Variants in FREM1 observed in about 807,000 individuals in gnomAD.
The protein encoded by FREM1 is FRAS1 related extracellular matrix 1, also known as FRAS1-related extracellular matrix protein 1.
A neutral mutation model predicts 210.1 loss-of-function variants in FREM1; 220 were observed. The ratio of observed to expected loss-of-function variants is 1.05; its 90% CI spans 0.94 to 1.17. FREM1 has a LOEUF of 1.17. FREM1 is among the 50% of genes most tolerant of loss of function. The pLI is 0.00. For synonymous variants in FREM1, 1,189 were observed against 980.2 expected (o/e 1.21, Z -3.98); for missense variants, 3,454 against 2,675.5 (o/e 1.29, Z -6.42).
At chr9:14,846,531 A>C (rs916655276) in intron 7 of FREM1, among the ~76,000 whole-genome samples, 7 of 152,204 alleles carry the variant, frequency 4.6e-5, no homozygotes, top group Admixed American at 4.6e-4. Context: ...TTTTTTAAAA[A>C]AAGATAAGAA....
At chr9:14,880,568 C>G (rs1378603068) in intron 1 of FREM1, among the ~76,000 whole-genome samples, 1 of 144,220 alleles carries the variant, frequency 6.9e-6, no homozygotes, top group Non-Finnish European at 1.5e-5. Context: ...CGTGCCACTG[C>G]ACTCCAGCCT....
intron 35 of FREM1, among the ~76,000 whole-genome samples, chr9:14,742,613 T>C (rs1470276283): frequency 3.3e-5 from 5 of 152,170 alleles, no homozygotes; most frequent in African/African-American, 4.8e-5. Context: ...AATGACCCTC[T>C]GTAAAGGACT....
intron 35 of FREM1, among the ~76,000 whole-genome samples, chr9:14,743,652 C>T (rs1298077902): frequency 6.6e-6 from 1 of 152,034 alleles, no homozygotes; most frequent in Non-Finnish European, 1.5e-5. Flanking sequence ...GGAAGATGAA[C>T]AAAAGATAGC....
chr9:14,830,627 C>T (rs1308026119), intron 10 of FREM1, among the ~76,000 whole-genome samples: 3 of 152,190 alleles, frequency 2.0e-5, no homozygotes, highest in Admixed American at 6.5e-5. Context: ...CCTCCTCTTT[C>T]GGCTTTGGAG....
At chr9:14,837,017 C>A (rs992305641) in intron 10 of FREM1, among the ~76,000 whole-genome samples, 8 of 152,206 alleles carry the variant, frequency 5.3e-5, no homozygotes, top group Non-Finnish European at 8.8e-5. Flanking sequence ...GGTGGGCAAC[C>A]TTTGATATGC....
At chr9:14,748,297 A>G (rs1842805072) in intron 31 of FREM1, 104 bp downstream of exon 31, 3 of 697,826 alleles carry the variant, frequency 4.3e-6, no homozygotes, top group Non-Finnish European at 7.3e-6. Context: ...ACTCACTATG[A>G]GAATCAAAAC....
At chr9:14,893,772 A>C (rs889760718) in intron 1 of FREM1, among the ~76,000 whole-genome samples, 3 of 152,132 alleles carry the variant, frequency 2.0e-5, no homozygotes, top group Non-Finnish European at 4.4e-5. Flanking sequence ...TTTTGCCTAG[A>C]TTAAAAGGTT....
intron 14 of FREM1, among the ~76,000 whole-genome samples, chr9:14,817,811 C>T (rs531040603): frequency 2.6e-5 from 4 of 152,218 alleles, no homozygotes; most frequent in Admixed American, 6.5e-5. Flanking sequence ...CCACATCCTC[C>T]CCACCCTCCA....
At chr9:14,900,146 A>G (rs2132577988) in intron 1 of FREM1, among the ~76,000 whole-genome samples, 1 of 152,278 alleles carries the variant, frequency 6.6e-6, no homozygotes, top group Non-Finnish European at 1.5e-5. Flanking sequence ...ATTAATGAGA[A>G]CGGGAAACAC....
chr9:14,770,715 T>G lies in FREM1; in HGVS notation c.4949A>C (p.Tyr1650Ser), dbSNP rs376112474. ...GLLKNGCYGIYITSRVLKASD... is the reference protein window; with the variant it reads ...GLLKNGCYGISITSRVLKASD... The stretch of plus-strand genomic sequence containing the variant: ...TGCCTTCAACACGCGGGAAGTGATG[T>G]AAATCCCGTAGCAGCCATTTTTCAG... The change falls in exon 26 of 37, where the codon TAC becomes TCC. Residue 1650 changes from tyrosine (Y) to serine (S), a missense_variant. Coordinates refer to ENST00000380880, the MANE Select transcript of FREM1 (RefSeq NM_001379081.2). 5 of 1,613,240 alleles carry G rather than the reference T, an allele frequency of 3.1e-6. No individual in the cohort carries two copies. The highest frequency in any genetic ancestry group is 4.2e-6 in the Non-Finnish European group (5 of 1,179,360).
At chr9:14,738,361 C>T (rs1587598421) in intron 36 of FREM1, among the ~76,000 whole-genome samples, 1 of 84,934 alleles carries the variant, frequency 1.2e-5, no homozygotes, top group African/African-American at 3.9e-5. Context: ...AGATACATAA[C>T]ATTTTACCTT....
Position 14,786,880 on chromosome 9 carries a change from T to C in FREM1, c.4177+2039A>G, listed in dbSNP as rs531688543. 4.6e-5 allele frequency among the ~76,000 whole-genome samples: 7 copies of C among 151,906 alleles called. No individual in the cohort carries two copies. The South Asian group carries it at 1.5e-3, about 32-fold the overall frequency. On this transcript the variant is annotated intron_variant, in intron 23 of 36. Transcript: ENST00000380880. ...AAGGAAGTAAGAAGAATGAATTAGGTGGGGGAAACACAAAGCACCCACGAG... is the reference window on the plus strand; with the variant it reads ...AAGGAAGTAAGAAGAATGAATTAGGCGGGGGAAACACAAAGCACCCACGAG...
chr9:14,883,342 G>T (rs1478387204), intron 1 of FREM1, among the ~76,000 whole-genome samples: 5 of 152,188 alleles, frequency 3.3e-5, no homozygotes, highest in African/African-American at 1.2e-4. Context: ...AGCCTAGACT[G>T]AAGGCTGCAG....
At position 14,842,535 on chromosome 9, in the gene FREM1, G is replaced by A. The variant is rs369488195; in HGVS notation, c.1519C>T (p.Arg507Cys). 9.3e-5 allele frequency: 150 copies of A among 1,613,822 alleles called. No individual in the cohort carries two copies. Among genetic ancestry groups the A allele is most frequent in the Admixed American group, 4.0e-4 (24 of 60,006 alleles). The change falls in exon 9 of 37, where the codon CGT (arginine) becomes TGT (cysteine). Residue 507 changes from arginine (R) to cysteine (C), a missense_variant. By Grantham distance (180) the Arg-to-Cys change is radical. Transcript: ENST00000380880. The part of the protein sequence containing the change: ...FRIFDGHHSI[R>C]HKFPINVLPK... ...AAGACGTTGATGGGGAATTTGTGAC[G>A]GATGCTGTGATGGCCATCAAATATC...
intron 13 of FREM1, among the ~76,000 whole-genome samples, chr9:14,822,363 G>A (rs970657749): frequency 6.6e-6 from 1 of 152,170 alleles, no homozygotes; most frequent in African/African-American, 2.4e-5. Flanking sequence ...GAGATGATGA[G>A]GAGTCAGGAA....
chr9:14,769,761 T>C lies in FREM1; in HGVS notation c.5167A>G (p.Ile1723Val), dbSNP rs1222945304. 2 of 1,612,388 alleles carry C rather than the reference T, an allele frequency of 1.2e-6. No individual in the cohort carries two copies. The highest frequency in any genetic ancestry group is 2.7e-5 in the African/African-American group (2 of 74,868). ...EVNSDTVEFQ[I>V]MDPTGNSATP... ...GCCGAGTTCCCTGTGGGGTCCATGA[T>C]TTGAAATTCCACGGTATCTGAATTT... is the stretch of plus-strand genomic sequence containing the variant. Residue 1723 changes from isoleucine (I) to valine (V), a missense_variant, in exon 27 of 37, where the codon ATC (isoleucine) becomes GTC (valine). By Grantham distance (29) the Ile-to-Val change is conservative. Coordinates refer to ENST00000380880, the MANE Select transcript of FREM1 (RefSeq NM_001379081.2).
At chr9:14,847,443 AGGGAGGGAGGGAGGGT>A (rs1321370553) in intron 7 of FREM1, among the ~76,000 whole-genome samples, 3 of 14,196 alleles carry the variant, frequency 2.1e-4, no homozygotes, top group African/African-American at 7.8e-4. Flanking sequence ...GGAGGGAGGG[AGGGAGGGAGGGAGGGT>A]GGGAGGGAGA....
chr9:14,823,123 C>T (rs1294856804), intron 13 of FREM1, 37 bp downstream of exon 13: 10 of 1,509,740 alleles, frequency 6.6e-6, no homozygotes, highest in East Asian at 4.6e-5. Context: ...CCTTTCTTTT[C>T]CTCCTTTTCA....
rs116600549 is a variant in FREM1, at chr9:14,846,359, G to A, written c.1262-268C>T. On this transcript the variant is annotated intron_variant, in intron 7 of 36. Coordinates refer to ENST00000380880, the MANE Select transcript of FREM1 (RefSeq NM_001379081.2). ...GAACATCACACACCAGAGCCTGTTC[G>A]GGGGTAGAGGGGAAAGGGGAGAAAG... Among the ~76,000 whole-genome samples the A allele has an allele frequency of 3.2e-3, 484 of 152,206 alleles. 2 individuals are homozygous for A. The highest frequency in any genetic ancestry group is 0.011 in the African/African-American group (458 of 41,526).
Sources: allele counts gnomAD v4.1 joint callset (sites outside exome capture counted in the v4.1 genomes callset), GRCh38; gene constraint gnomAD v4.1.1; transcripts MANE v1.5; gene names NCBI Gene and HGNC (gene_info 2026-07-23, HGNC 2026-07-21).